Variants in CDH18 observed in about 807,000 individuals in gnomAD.
CDH18 encodes the protein cadherin 18, also known as cadherin-18.
Under a neutral mutation model 67.9 loss-of-function variants are expected in CDH18, and 31 were observed. The ratio of observed to expected loss-of-function variants is 0.46; its 90% confidence interval spans 0.34 to 0.62. The LOEUF is 0.62. CDH18 is among the 20% of genes least tolerant of loss of function. The pLI, the probability that CDH18 is intolerant of heterozygous loss-of-function variation, is 0.01. For missense variants in CDH18, 890 were observed against 975.5 expected (o/e 0.91, Z 1.17); for synonymous variants, 362 against 347.2 (o/e 1.04, Z -0.48).
intron 2 of CDH18, among the ~76,000 whole-genome samples, chr5:19,943,513 A>G (rs1455682304): frequency 6.6e-6 from 1 of 152,176 alleles, no homozygotes; most frequent in African/African-American, 2.4e-5. Flanking sequence ...TGTGATTTAA[A>G]TGTCATATTT....
chr5:20,290,012 T>G (rs550981720), intron 1 of CDH18, among the ~76,000 whole-genome samples: 1 of 152,200 alleles, frequency 6.6e-6, no homozygotes, highest in East Asian at 1.9e-4. Flanking sequence ...ATGGTAGAAG[T>G]AACATAATCA....
At chr5:20,434,867 C>T (rs1749050866) in intron 1 of CDH18, among the ~76,000 whole-genome samples, 1 of 151,980 alleles carries the variant, frequency 6.6e-6, no homozygotes, top group Non-Finnish European at 1.5e-5. Flanking sequence ...TCCATATACT[C>T]CTTCCCTACT....
At chr5:20,570,759 C>T (rs1758770047) in intron 1 of CDH18, among the ~76,000 whole-genome samples, 2 of 152,064 alleles carry the variant, frequency 1.3e-5, no homozygotes, top group African/African-American at 4.8e-5. Flanking sequence ...AACAGATGGA[C>T]CCATCTGAAG....
intron 2 of CDH18, among the ~76,000 whole-genome samples, chr5:19,922,461 C>T (rs576140245): frequency 4.9e-4 from 74 of 152,228 alleles, no homozygotes; most frequent in Admixed American, 7.2e-4. Flanking sequence ...AGAGATCAAG[C>T]CTGTCATATA....
chr5:19,728,903 C>T (rs549437815), intron 4 of CDH18, among the ~76,000 whole-genome samples: 1 of 152,180 alleles, frequency 6.6e-6, no homozygotes, highest in Non-Finnish European at 1.5e-5. Flanking sequence ...AAATTTCATT[C>T]TATACAGGAG....
rs559019373 is a variant in CDH18 at position 19,565,616 on chromosome 5, C to A, written c.1253+5963G>T. 1.8e-3 allele frequency among the ~76,000 whole-genome samples: 277 copies of A among 152,300 alleles called. 1 individual carries two copies. Among genetic ancestry groups the A allele is most frequent in the Admixed American group, 2.4e-3 (37 of 15,300 alleles). On this transcript the variant is annotated intron_variant, in intron 8 of 12. Coordinates refer to ENST00000382275, the MANE Select transcript of CDH18 (RefSeq NM_004934.5). ...GACAGGCACAAATAAGCCCAGTCTG[C>A]AATAACTACAATAAATGACTCTTCA...
chr5:19,919,405 T>C (rs145294585), intron 2 of CDH18, among the ~76,000 whole-genome samples: 1,746 of 152,290 alleles, frequency 0.011, 18 homozygotes, highest in Middle Eastern at 0.024. Context: ...GTTGGACAGC[T>C]GAATACCCAC....
intron 2 of CDH18, among the ~76,000 whole-genome samples, chr5:19,996,474 G>A (rs1451958894): frequency 6.6e-6 from 1 of 151,864 alleles, no homozygotes; most frequent in Non-Finnish European, 1.5e-5. Flanking sequence ...AAAGATTACT[G>A]AAATTGAAAC....
At chr5:20,536,200 C>G (rs960399459) in intron 1 of CDH18, among the ~76,000 whole-genome samples, 1 of 152,068 alleles carries the variant, frequency 6.6e-6, no homozygotes, top group Non-Finnish European at 1.5e-5. Flanking sequence ...AATATAATAA[C>G]CAATTGATCA....
At chr5:20,493,393 A>AAAAT (rs1561061223) in intron 1 of CDH18, among the ~76,000 whole-genome samples, 2 of 118,088 alleles carry the variant, frequency 1.7e-5, no homozygotes, top group African/African-American at 6.2e-5. Flanking sequence ...AAAGCAAAGA[A>AAAAT]TTTTTTGTTT....
At chr5:20,270,366 T>G (rs1745347169) in intron 1 of CDH18, among the ~76,000 whole-genome samples, 1 of 152,068 alleles carries the variant, frequency 6.6e-6, no homozygotes, top group African/African-American at 2.4e-5. Flanking sequence ...ATGAATGGTG[T>G]TCCCCGTATG....
intron 1 of CDH18, among the ~76,000 whole-genome samples, chr5:20,530,733 A>T (rs1756349326): frequency 6.6e-6 from 1 of 152,110 alleles, no homozygotes; most frequent in Admixed American, 6.6e-5. Context: ...CACAAAAATT[A>T]ACTCAAGATG....
intron 2 of CDH18, among the ~76,000 whole-genome samples, chr5:20,098,050 C>T (rs1746140457): frequency 6.6e-6 from 1 of 151,570 alleles, no homozygotes; most frequent in East Asian, 1.9e-4. Flanking sequence ...ATTTTTGCCT[C>T]AAAGAAAATA....
intron 1 of CDH18, among the ~76,000 whole-genome samples, chr5:20,573,804 G>GAAATATAT: frequency 1.8e-5 from 1 of 56,358 alleles, no homozygotes; most frequent in South Asian, 8.9e-4. Context: ...ATACTTAAAA[G>GAAATATAT]AAATATATAT....
At chr5:19,867,578 G>A (rs17288699) in intron 2 of CDH18, among the ~76,000 whole-genome samples, 43,629 of 133,584 alleles carry the variant, frequency 0.33, 7,704 homozygotes, top group South Asian at 0.45. Context: ...TTTTATGAAT[G>A]ACATATTGCT....
intron 3 of CDH18, among the ~76,000 whole-genome samples, chr5:19,822,736 G>A (rs957047623): frequency 1.3e-5 from 2 of 152,168 alleles, no homozygotes; most frequent in African/African-American, 4.8e-5. Flanking sequence ...CCACAGGACT[G>A]GGGCGAAATT....
intron 1 of CDH18, among the ~76,000 whole-genome samples, chr5:20,539,901 T>C (rs1292501257): frequency 6.6e-6 from 1 of 152,180 alleles, no homozygotes; most frequent in Non-Finnish European, 1.5e-5. Flanking sequence ...AGAAGTTATT[T>C]AACTTATTTA....
chr5:20,108,289 A>G (rs1168180913), intron 2 of CDH18, among the ~76,000 whole-genome samples: 2 of 151,906 alleles, frequency 1.3e-5, no homozygotes, highest in African/African-American at 4.8e-5. Flanking sequence ...ACAAGGTTTC[A>G]CCATGTTGGC....
At chr5:19,927,847 T>C (rs12517924) in intron 2 of CDH18, among the ~76,000 whole-genome samples, 137,613 of 152,168 alleles carry the variant, frequency 0.9, 62,485 homozygotes, top group South Asian at 0.98. Context: ...AAGTAAATTG[T>C]ACTCTCTGTT....
Sources: allele counts gnomAD v4.1 joint callset (sites outside exome capture counted in the v4.1 genomes callset), GRCh38; gene constraint gnomAD v4.1.1; transcripts MANE v1.5; gene names NCBI Gene and HGNC (gene_info 2026-07-23, HGNC 2026-07-21).